DMGDH: variants seen among roughly 807,000 people sequenced by gnomAD.
DMGDH encodes dimethylglycine dehydrogenase.
Under a neutral mutation model 95.2 loss-of-function variants are expected in DMGDH, and 76 were observed. That is an observed-to-expected ratio of 0.80 (90% confidence interval 0.66 to 0.97). The LOEUF (loss-of-function observed/expected upper bound fraction) is 0.97. Ranked by LOEUF, DMGDH falls within the 50% of genes least tolerant of loss-of-function variation. The probability of loss-of-function intolerance (pLI) is 0.00; values close to 1 mark genes in which losing one functional copy is unlikely to be tolerated. For missense variants in DMGDH, 987 were observed against 1,055.0 expected, an observed-to-expected ratio of 0.94 and a Z score of 0.89; for synonymous variants, 345 against 377.6, an observed-to-expected ratio of 0.91 and a Z score of 1.00.
intron 7 of DMGDH, 67 bp downstream of exon 7, chr5:79,042,216 T>C (rs1438388924): frequency 2.8e-6 from 4 of 1,444,916 alleles, no homozygotes; most frequent in Non-Finnish European, 3.9e-6. Flanking sequence ...ATCCTGAGAA[T>C]ATGGAACTAG....
At position 79,069,662 on chromosome 5, in the gene DMGDH, C is replaced by A. The variant is rs1391670061; in HGVS notation, c.-42G>T. The A allele has an allele frequency of 1.5e-6, 2 of 1,301,598 alleles. No individual in the cohort carries two copies. The highest frequency in any genetic ancestry group is 2.5e-5 in the South Asian group (1 of 40,452). The allele number at this position is 1,301,598 out of a possible 1,614,324, so 80.6% of individuals were successfully genotyped here. On this transcript the variant is annotated 5_prime_UTR_variant, in exon 1 of 16. Transcript: ENST00000255189. ...AGGGCGCAGGCGCCTGCTCCGAGGCCAGCGGGCAGCCTGAGGCCGCGGGGC... is the reference window on the plus strand; with the variant it reads ...AGGGCGCAGGCGCCTGCTCCGAGGCAAGCGGGCAGCCTGAGGCCGCGGGGC...
intron 2 of DMGDH, among the ~76,000 whole-genome samples, chr5:79,059,263 G>C (rs141467751): frequency 2.0e-5 from 3 of 152,156 alleles, no homozygotes; most frequent in African/African-American, 7.2e-5. Context: ...GTAATACAGC[G>C]ATGTGAAGGC....
At chr5:79,015,981 A>T (rs998925208) in intron 14 of DMGDH, among the ~76,000 whole-genome samples, 30 of 152,230 alleles carry the variant, frequency 2.0e-4, no homozygotes, top group South Asian at 6.2e-4. Flanking sequence ...CTAGGAATAG[A>T]AGCAAATGTC....
In DMGDH at chr5:79,057,805, A is replaced by G. The variant is rs534959784; in HGVS notation, c.277-1897T>C. Reference sequence around the variant, plus strand: ...ATGTCCTATATAAAACTGACAATATATATTTTCAGTTGAGAAATCTGGTCA... The same window carrying G: ...ATGTCCTATATAAAACTGACAATATGTATTTTCAGTTGAGAAATCTGGTCA... On this transcript the variant is annotated intron_variant, in intron 2 of 15. Transcript: ENST00000255189. Among the ~76,000 whole-genome samples the G allele has an allele frequency of 6.6e-5, 10 of 152,330 alleles. No homozygotes were observed. In the East Asian group the frequency reaches 1.7e-3, roughly 26 times the overall value.
At chr5:79,031,749 C>T (rs866528148) in intron 9 of DMGDH, among the ~76,000 whole-genome samples, 64 of 152,306 alleles carry the variant, frequency 4.2e-4, no homozygotes, top group African/African-American at 1.4e-3. Flanking sequence ...GAGCAGGATG[C>T]TATGTCTGTA....
chr5:79,064,565 T>C (rs1314781587), intron 1 of DMGDH, among the ~76,000 whole-genome samples: 1 of 152,134 alleles, frequency 6.6e-6, no homozygotes, highest in African/African-American at 2.4e-5. Context: ...ATTTTTCTTT[T>C]TTCAATAATA....
chr5:79,026,149 T>C (rs1753994704), intron 13 of DMGDH, among the ~76,000 whole-genome samples: 1 of 152,076 alleles, frequency 6.6e-6, no homozygotes, highest in South Asian at 2.1e-4. Context: ...TCTAATCCCA[T>C]GAGGCAAGCC....
chr5:79,054,370 G>C (rs1754961407), intron 3 of DMGDH, 22 bp from the exon 4 acceptor site: 2 of 1,613,158 alleles, frequency 1.2e-6, no homozygotes, highest in African/African-American at 1.3e-5. Flanking sequence ...ATTCCAGTGA[G>C]AGCATATAAA....
Position 79,063,717 on chromosome 5 carries a change from C to G in DMGDH, c.172G>C (p.Gly58Arg), listed in dbSNP as rs377488464. 6.2e-7 allele frequency: 1 copy of G among 1,614,200 alleles called. No individual in the cohort carries two copies. The highest frequency in any genetic ancestry group is 1.3e-5 in the African/African-American group (1 of 75,056). ...DRAETVIIGG[G>R]CVGVSLAYHL... Reference sequence around the variant, plus strand: ...TAAGCCAGACTCACACCAACACAGCCACCTCCAATTATCACTGTTTCTGCT... The same window carrying G: ...TAAGCCAGACTCACACCAACACAGCGACCTCCAATTATCACTGTTTCTGCT... The change falls in exon 2 of 16, where the codon GGC (glycine) becomes CGC (arginine). Residue 58 changes from glycine to arginine, a missense_variant. Gly to Arg is a moderately radical substitution (Grantham distance 125). Transcript: ENST00000255189.
At chr5:79,039,760 C>T (rs1273277831) in intron 7 of DMGDH, among the ~76,000 whole-genome samples, 1 of 152,074 alleles carries the variant, frequency 6.6e-6, no homozygotes, top group Admixed American at 6.6e-5. Flanking sequence ...ACTCCCTACT[C>T]CAACCTCCAG....
chr5:79,006,052 CT>C (rs35854183), intron 14 of DMGDH, among the ~76,000 whole-genome samples: 154 of 142,698 alleles, frequency 1.1e-3, no homozygotes, highest in East Asian at 8.1e-3. Flanking sequence ...GCTTTTCAAC[CT>C]TTTTTTTTTT....
At chr5:79,020,538 G>T in intron 14 of DMGDH, 2 of 384,350 alleles carry the variant, frequency 5.2e-6, no homozygotes, top group Non-Finnish European at 7.1e-6. Context: ...TGGAAGGCTT[G>T]GTACTAAGCG....
intron 14 of DMGDH, chr5:79,021,476 G>T: frequency 8.0e-7 from 1 of 1,243,450 alleles, no homozygotes; most frequent in South Asian, 1.4e-5. Context: ...GGGGAAGGAG[G>T]CTGGAACAAC....
chr5:79,038,108 T>C (rs547985118), intron 7 of DMGDH, among the ~76,000 whole-genome samples: 3 of 152,230 alleles, frequency 2.0e-5, no homozygotes, highest in South Asian at 4.2e-4. Flanking sequence ...CAAAACAATT[T>C]TGAAAAAGAA....
Position 79,051,368 on chromosome 5 carries a change from G to C in DMGDH, c.664C>G (p.Leu222Val). The change falls in exon 5 of 16, where the codon CTG becomes GTG. Residue 222 changes from leucine (L) to valine (V), a missense_variant. Coordinates refer to ENST00000255189, the MANE Select transcript of DMGDH (RefSeq NM_013391.3). ...LLKYPAPVTS[L>V]KARSDGTWDV... is the part of the protein sequence containing the mutation. ...CATGTTCCATCTGACCTGGCTTTCA[G>C]AGAAGTTACTGGTGCAGGATATTTT... 1 of 1,614,158 alleles carries C rather than the reference G, an allele frequency of 6.2e-7. No individual in the cohort carries two copies. The highest frequency in any genetic ancestry group is 8.5e-7 in the Non-Finnish European group (1 of 1,180,032).
At chr5:79,063,273 T>A (rs1001283116) in intron 2 of DMGDH, among the ~76,000 whole-genome samples, 4 of 152,098 alleles carry the variant, frequency 2.6e-5, no homozygotes, top group Non-Finnish European at 5.9e-5. Context: ...ATTTTGCACA[T>A]GTTAACTCAA....
At chr5:79,033,840 G>C (rs7703785) in intron 7 of DMGDH, among the ~76,000 whole-genome samples, 17 of 152,298 alleles carry the variant, frequency 1.1e-4, no homozygotes, top group African/African-American at 3.9e-4. Flanking sequence ...GCTGAGGCAG[G>C]AGGATAACTT....
chr5:79,031,918 C>T (rs1468955706), intron 9 of DMGDH, among the ~76,000 whole-genome samples: 1 of 152,114 alleles, frequency 6.6e-6, no homozygotes, highest in African/African-American at 2.4e-5. Flanking sequence ...GCTTATAAAG[C>T]CCAAATTCAT....
chr5:79,015,698 A>C (rs538384618), intron 14 of DMGDH, among the ~76,000 whole-genome samples: 1 of 152,332 alleles, frequency 6.6e-6, no homozygotes. Flanking sequence ...AAATAAACAA[A>C]ATAATGGCAA....
Sources: gnomAD v4.1 joint callset for allele counts (sites outside exome capture counted in the v4.1 genomes callset) on GRCh38, gnomAD v4.1.1 for gene constraint, MANE v1.5 for transcripts, NCBI Gene and HGNC (gene_info 2026-07-23, HGNC 2026-07-21) for gene names.